The following ANKRD45 variants were observed in gnomAD, a reference collection of about 807,000 sequenced individuals.
The protein encoded by ANKRD45 is ankyrin repeat domain-containing protein 45.
Under a neutral mutation model 28.1 loss-of-function variants are expected in ANKRD45, and 21 were observed. The ratio of observed to expected loss-of-function variants is 0.75; its 90% confidence interval spans 0.53 to 1.08. The LOEUF (loss-of-function observed/expected upper bound fraction) is 1.08. ANKRD45 is among the 50% of genes least tolerant of loss of function. The pLI, the probability that ANKRD45 is intolerant of heterozygous loss-of-function variation, is 0.00. For missense variants in ANKRD45, 261 were observed against 308.7 expected, an observed-to-expected ratio of 0.85 and a Z score of 1.16; for synonymous variants, 86 against 103.9, an observed-to-expected ratio of 0.83 and a Z score of 1.05.
intron 5 of ANKRD45, among the ~76,000 whole-genome samples, chr1:173,611,064 CAT>C (rs945914365): frequency 1.1e-4 from 17 of 152,286 alleles, no homozygotes; most frequent in Admixed American, 2.6e-4. Flanking sequence ...AAAATGATCA[CAT>C]GTTAACTTTG....
chr1:173,637,151 T>C, intron 3 of ANKRD45: 2 of 786,202 alleles, frequency 2.5e-6, no homozygotes, highest in South Asian at 3.9e-5. Context: ...GCCACAATCT[T>C]TACTAAAATT....
the ANKRD45 span, among the ~76,000 whole-genome samples, chr1:173,676,269 C>T: frequency 6.6e-6 from 1 of 152,176 alleles, no homozygotes. Context: ...CATAAGAATA[C>T]TCACAAATAG....
chr1:173,695,921 C>T, the ANKRD45 span, among the ~76,000 whole-genome samples: 1 of 152,222 alleles, frequency 6.6e-6, no homozygotes, highest in South Asian at 2.1e-4. Context: ...GCTCTTAAAC[C>T]CTGTCTCCTG....
the ANKRD45 span, among the ~76,000 whole-genome samples, chr1:173,682,720 C>CACACACACACACACACAT: frequency 6.6e-6 from 1 of 150,682 alleles, no homozygotes; most frequent in Non-Finnish European, 1.5e-5. Flanking sequence ...CACACACACA[C>CACACACACACACACACAT]ACATCTTGGA....
chr1:173,671,877 G>A (rs536422974), upstream of ANKRD45, among the ~76,000 whole-genome samples: 3 of 144,120 alleles, frequency 2.1e-5, no homozygotes, highest in African/African-American at 2.6e-5. Flanking sequence ...GCAAGACTCC[G>A]TCTCAAAAAA....
rs957976152 is a variant in ANKRD45, at chr1:173,636,176, A to G, written c.497-9017T>C. ...TTAGGTAAGTCATTTGCTCTATCTC[A>G]GTTGCCTCATCCACAAAAGGATCTG... is the stretch of plus-strand genomic sequence containing the variant. On this transcript the variant is annotated intron_variant, in intron 3 of 5. Transcript: ENST00000333279. Among the ~76,000 whole-genome samples, 3 of 152,146 alleles carry G rather than the reference A, an allele frequency of 2.0e-5. No homozygotes were observed. The East Asian group carries it at 5.8e-4, about 29-fold the overall frequency.
intron 5 of ANKRD45, among the ~76,000 whole-genome samples, chr1:173,615,985 C>A (rs1385356825): frequency 6.6e-6 from 1 of 152,032 alleles, no homozygotes. Flanking sequence ...CGCCTGTAGT[C>A]CCAGCTACTC....
intron 2 of ANKRD45, among the ~76,000 whole-genome samples, chr1:173,654,457 G>A (rs745745461): frequency 4.6e-5 from 7 of 152,164 alleles, no homozygotes; most frequent in African/African-American, 1.2e-4. Context: ...AGTTTCTGCC[G>A]AGAGATCAGC....
At chr1:173,690,794 G>C in the ANKRD45 span, among the ~76,000 whole-genome samples, 1 of 152,118 alleles carries the variant, frequency 6.6e-6, no homozygotes, top group African/African-American at 2.4e-5. Flanking sequence ...CTTGCTTGGG[G>C]TATTTCCCAT....
chr1:173,710,523 C>T, the ANKRD45 span, among the ~76,000 whole-genome samples: 1 of 152,112 alleles, frequency 6.6e-6, no homozygotes, highest in Admixed American at 6.5e-5. Flanking sequence ...TGTGCAATGG[C>T]CTGCTAGTGC....
At chr1:173,643,171 A>ATTT (rs370267609) in intron 3 of ANKRD45, among the ~76,000 whole-genome samples, 5 of 132,258 alleles carry the variant, frequency 3.8e-5, no homozygotes, top group Non-Finnish European at 6.3e-5. Context: ...TTGCCTGAGA[A>ATTT]TTTTTTTTTT....
At chr1:173,612,984 C>T (rs1667242383) in intron 5 of ANKRD45, among the ~76,000 whole-genome samples, 1 of 152,092 alleles carries the variant, frequency 6.6e-6, no homozygotes, top group Non-Finnish European at 1.5e-5. Context: ...CCCAAAATGC[C>T]GAGATTGCAG....
At chr1:173,633,317 TA>T (rs2102335957) in intron 3 of ANKRD45, among the ~76,000 whole-genome samples, 1 of 151,730 alleles carries the variant, frequency 6.6e-6, no homozygotes, top group East Asian at 1.9e-4. Flanking sequence ...TAATGAAAAC[TA>T]TAAAAGACTG....
chr1:173,649,771 C>T (rs573344442), intron 2 of ANKRD45, among the ~76,000 whole-genome samples: 1 of 152,250 alleles, frequency 6.6e-6, no homozygotes, highest in South Asian at 2.1e-4. Flanking sequence ...TTTTGCTTTA[C>T]ACATTCATGT....
chr1:173,635,877 A>C, intron 3 of ANKRD45: 4 of 1,426,802 alleles, frequency 2.8e-6, no homozygotes, highest in Non-Finnish European at 3.8e-6. Flanking sequence ...TAATAGTTAC[A>C]AAATCTCTAA....
At chr1:173,666,310 T>C (rs1670015072) in intron 1 of ANKRD45, among the ~76,000 whole-genome samples, 1 of 152,186 alleles carries the variant, frequency 6.6e-6, no homozygotes, top group Admixed American at 6.5e-5. Context: ...TTGACATTTC[T>C]CAGCCTCCAT....
the ANKRD45 span, among the ~76,000 whole-genome samples, chr1:173,693,963 C>T: frequency 6.6e-6 from 1 of 152,186 alleles, no homozygotes; most frequent in Non-Finnish European, 1.5e-5. Flanking sequence ...GGCATCTATG[C>T]CATAGGTTGC....
At chr1:173,631,740 G>A (rs1298755563) in intron 3 of ANKRD45, among the ~76,000 whole-genome samples, 1 of 152,078 alleles carries the variant, frequency 6.6e-6, no homozygotes, top group Non-Finnish European at 1.5e-5. Context: ...AATGAACAGT[G>A]TGTCAATGAA....
intron 5 of ANKRD45, 101 bp from the exon 6 acceptor site, chr1:173,610,316 TC>T: frequency 8.7e-7 from 1 of 1,151,382 alleles, no homozygotes; most frequent in Non-Finnish European, 1.3e-6. Context: ...AATTAGATTG[TC>T]CCAGGCTGAA....
Sources: allele counts gnomAD v4.1 joint callset (sites outside exome capture counted in the v4.1 genomes callset), GRCh38; gene constraint gnomAD v4.1.1; transcripts MANE v1.5; gene names NCBI Gene and HGNC (gene_info 2026-07-23, HGNC 2026-07-21).